The following PCBD2 variants were observed in gnomAD, a reference collection of about 807,000 sequenced individuals.
The protein encoded by PCBD2 is pterin-4-alpha-carbinolamine dehydratase 2.
Under a neutral mutation model 16.4 loss-of-function variants are expected in PCBD2, and 12 were observed. The observed-to-expected ratio is 0.73, with a 90% confidence interval of 0.47 to 1.19. The LOEUF (loss-of-function observed/expected upper bound fraction) is 1.19. Among genes scored for constraint, PCBD2 ranks in the 50% most tolerant of loss-of-function variants. The pLI is 0.00. For synonymous variants in PCBD2, 58 were observed against 61.8 expected (o/e 0.94, Z 0.29); for missense variants, 138 against 156.8 (o/e 0.88, Z 0.64).
chr5:134,918,224 G>T (rs192075601), intron 2 of PCBD2, among the ~76,000 whole-genome samples: 70 of 152,332 alleles, frequency 4.6e-4, no homozygotes, highest in Non-Finnish European at 8.4e-4. Flanking sequence ...GTCATTTTGT[G>T]CTGGGCATGG....
chr5:134,935,739 A>T (rs1342513046), intron 2 of PCBD2, among the ~76,000 whole-genome samples: 3 of 152,056 alleles, frequency 2.0e-5, no homozygotes, highest in African/African-American at 7.3e-5. Flanking sequence ...AAAAATATAA[A>T]CCAGTTAAGA....
intron 2 of PCBD2, among the ~76,000 whole-genome samples, chr5:134,953,728 G>T (rs938033553): frequency 9.9e-5 from 15 of 152,152 alleles, no homozygotes; most frequent in Non-Finnish European, 1.8e-4. Context: ...TTGAACCTGG[G>T]AGGCGGAGGT....
Position 134,962,545 on chromosome 5 carries a change from G to A in PCBD2, c.*1864G>A, listed in dbSNP as rs762792684. ...TGGGATTACAGGCGTGAGCCACTGC[G>A]CCTGGCCTATAACAATTCTTATGAA... On this transcript the variant is annotated 3_prime_UTR_variant, in exon 4 of 4. Transcript: ENST00000254908. Among the ~76,000 whole-genome samples, 10 of 152,120 alleles carry A rather than the reference G, an allele frequency of 6.6e-5. No individual in the cohort carries two copies. The highest frequency in any genetic ancestry group is 2.9e-5 in the Non-Finnish European group (2 of 68,028).
At chr5:134,946,179 T>C (rs768572900) in intron 2 of PCBD2, among the ~76,000 whole-genome samples, 16 of 151,480 alleles carry the variant, frequency 1.1e-4, no homozygotes, top group Non-Finnish European at 2.4e-4. Flanking sequence ...CCCTTATAGG[T>C]TGGGTAGGCT....
chr5:134,910,033 A>G (rs143587826), intron 1 of PCBD2, among the ~76,000 whole-genome samples: 7 of 152,300 alleles, frequency 4.6e-5, no homozygotes, highest in African/African-American at 1.4e-4. Flanking sequence ...TTGCACCACT[A>G]CGCTCCAGCC....
chr5:134,955,020 G>A (rs944611489), intron 2 of PCBD2, among the ~76,000 whole-genome samples: 6 of 152,020 alleles, frequency 3.9e-5, no homozygotes, highest in African/African-American at 1.4e-4. Flanking sequence ...GGGATTACAG[G>A]TGTGAGCCAC....
intron 2 of PCBD2, among the ~76,000 whole-genome samples, chr5:134,921,338 C>A (rs1202634855): frequency 6.6e-6 from 1 of 152,040 alleles, no homozygotes; most frequent in Non-Finnish European, 1.5e-5. Flanking sequence ...GCTAATAAGC[C>A]ACAGGAGGTG....
At chr5:134,905,558 G>C (rs1185201866) in intron 1 of PCBD2, 2 of 217,952 alleles carry the variant, frequency 9.2e-6, no homozygotes, top group Admixed American at 1.2e-4. Context: ...GGTGCCCGCT[G>C]CCGCTCGTTG....
intron 2 of PCBD2, chr5:134,927,954 G>A: frequency 2.5e-6 from 1 of 396,826 alleles, no homozygotes; most frequent in Non-Finnish European, 4.4e-6. Flanking sequence ...GCTGTGAGTG[G>A]TTGTGTTGAT....
In PCBD2 at chr5:134,962,331, T is replaced by G. The variant is rs1580897675; in HGVS notation, c.*1650T>G. 6.6e-6 allele frequency among the ~76,000 whole-genome samples: 1 copy of G among 151,864 alleles called. No homozygotes were observed. The highest frequency in any genetic ancestry group is 1.9e-4 in the East Asian group (1 of 5,180). On this transcript the variant is annotated 3_prime_UTR_variant, in exon 4 of 4. Coordinates refer to ENST00000254908, the MANE Select transcript of PCBD2 (RefSeq NM_032151.5). ...CTGGTCTAGAACTTCTGGGCTCGAG[T>G]AATCCTCCTGCCTTGGCCTCTCAAA...
chr5:134,935,167 A>C (rs1751144465), intron 2 of PCBD2, among the ~76,000 whole-genome samples: 2 of 152,216 alleles, frequency 1.3e-5, no homozygotes, highest in African/African-American at 4.8e-5. Flanking sequence ...AGCTTATGTC[A>C]GTAGCATTTA....
chr5:134,942,823 T>C (rs958867353), intron 2 of PCBD2, among the ~76,000 whole-genome samples: 1 of 152,188 alleles, frequency 6.6e-6, no homozygotes, highest in African/African-American at 2.4e-5. Flanking sequence ...TACAGCCTGC[T>C]TAAGGTCTGG....
chr5:134,907,005 C>A (rs948979760), intron 1 of PCBD2, among the ~76,000 whole-genome samples: 9 of 152,202 alleles, frequency 5.9e-5, no homozygotes, highest in Non-Finnish European at 1.2e-4. Context: ...GTGGTCCCTG[C>A]TGCTGGGCAG....
At chr5:134,927,972 A>G in intron 2 of PCBD2, 2 of 396,522 alleles carry the variant, frequency 5.0e-6, no homozygotes, top group East Asian at 7.1e-5. Context: ...GATTCAAATT[A>G]TGTGTTTTTT....
At chr5:134,909,239 A>G (rs1750735300) in intron 1 of PCBD2, among the ~76,000 whole-genome samples, 1 of 152,244 alleles carries the variant, frequency 6.6e-6, no homozygotes, top group South Asian at 2.1e-4. Flanking sequence ...ACTCTGGCCA[A>G]ACTATGGAGA....
Position 134,958,799 on chromosome 5 carries a change from G to A in PCBD2, c.217-241G>A, listed in dbSNP as rs7700576. On this transcript the variant is annotated intron_variant, in intron 2 of 3. Transcript: ENST00000254908. ...AAATAGTCCAGACGGGTCACTAGGT[G>A]AGACCAATTTCCTGGTTTGTTTACT... Among the ~76,000 whole-genome samples, 692 of 152,280 alleles carry A rather than the reference G, an allele frequency of 4.5e-3. 4 individuals carry two copies. Among genetic ancestry groups the A allele is most frequent in the African/African-American group, 0.016 (644 of 41,546 alleles).
intron 2 of PCBD2, among the ~76,000 whole-genome samples, chr5:134,952,973 C>T (rs1192964355): frequency 3.3e-5 from 5 of 151,600 alleles, no homozygotes; most frequent in African/African-American, 9.7e-5. Flanking sequence ...GCAAATTACC[C>T]GCTTCAGGAC....
chr5:134,949,011 G>T (rs1048933435), intron 2 of PCBD2, among the ~76,000 whole-genome samples: 1 of 152,100 alleles, frequency 6.6e-6, no homozygotes, highest in African/African-American at 2.4e-5. Context: ...CTCTGTGGCG[G>T]ATCAAGTAGA....
At chr5:134,959,516 T>C (rs1001217558) in intron 3 of PCBD2, among the ~76,000 whole-genome samples, 1 of 152,220 alleles carries the variant, frequency 6.6e-6, no homozygotes, top group Non-Finnish European at 1.5e-5. Context: ...CTTTGAAAAC[T>C]ATTAAATTTT....
Sources: gnomAD v4.1 joint callset for allele counts (sites outside exome capture counted in the v4.1 genomes callset) on GRCh38, gnomAD v4.1.1 for gene constraint, MANE v1.5 for transcripts, NCBI Gene and HGNC (gene_info 2026-07-23, HGNC 2026-07-21) for gene names.